Variants in SEL1L2 observed in about 807,000 individuals in gnomAD.
The protein encoded by SEL1L2 is protein sel-1 homolog 2.
In SEL1L2, 89 loss-of-function variants were observed where a neutral mutation model predicts 98.8. The observed-to-expected ratio is 0.90, with a 90% CI of 0.76 to 1.07. SEL1L2 has a LOEUF of 1.07. Ranked by LOEUF, SEL1L2 falls within the 50% of genes least tolerant of loss-of-function variation. SEL1L2 has a pLI of 0.00. For synonymous variants in SEL1L2, 262 were observed against 278.5 expected (o/e 0.94, Z 0.59); for missense variants, 788 against 812.0 (o/e 0.97, Z 0.36).
intron 1 of SEL1L2, among the ~76,000 whole-genome samples, chr20:13,976,296 G>A (rs1052912288): frequency 1.3e-5 from 2 of 152,048 alleles, no homozygotes; most frequent in African/African-American, 4.8e-5. Context: ...CACAGCACCC[G>A]GACTGTTTTT....
intron 1 of SEL1L2, among the ~76,000 whole-genome samples, chr20:13,987,683 T>C (rs1885370802): frequency 6.6e-6 from 1 of 152,104 alleles, no homozygotes; most frequent in Admixed American, 6.6e-5. Flanking sequence ...ACCATCCTAG[T>C]GGGTGTGATG....
chr20:13,961,922 T>C (rs980367095), intron 1 of SEL1L2, among the ~76,000 whole-genome samples: 3 of 152,192 alleles, frequency 2.0e-5, no homozygotes, highest in Admixed American at 1.3e-4. Context: ...ATAGTTTTGC[T>C]GTCTTTCCAG....
chr20:13,939,125 C>T (rs1377776500), intron 2 of SEL1L2, among the ~76,000 whole-genome samples: 2 of 146,640 alleles, frequency 1.4e-5, no homozygotes, highest in Non-Finnish European at 3.0e-5. Flanking sequence ...CTCACTGCAA[C>T]CTCCACCTCC....
At chr20:13,918,957 G>C in intron 4 of SEL1L2, 64 bp downstream of exon 4, 1 of 1,077,894 alleles carries the variant, frequency 9.3e-7, no homozygotes, top group South Asian at 1.4e-5. Flanking sequence ...AACTACATTT[G>C]GGATTTTTCT....
intron 5 of SEL1L2, among the ~76,000 whole-genome samples, chr20:13,904,989 TG>T (rs778903313): frequency 6.6e-6 from 1 of 152,198 alleles, no homozygotes; most frequent in Non-Finnish European, 1.5e-5. Flanking sequence ...CTCAGGAAGT[TG>T]TGAAGTGGGT....
chr20:13,921,328 C>T (rs762244604), intron 3 of SEL1L2, among the ~76,000 whole-genome samples: 8 of 152,122 alleles, frequency 5.3e-5, no homozygotes, highest in Non-Finnish European at 1.0e-4. Flanking sequence ...CATGCCACCA[C>T]GCCCAGCTAA....
intron 2 of SEL1L2, among the ~76,000 whole-genome samples, 162 bp from the exon 3 acceptor site, chr20:13,931,933 C>G (rs1395986234): frequency 1.3e-5 from 2 of 152,176 alleles, no homozygotes; most frequent in Admixed American, 6.5e-5. Context: ...TGGCTTACTT[C>G]ACTTTAGAAA....
At chr20:13,859,632 A>G (rs1378685719) in intron 17 of SEL1L2, among the ~76,000 whole-genome samples, 198 bp from the exon 18 acceptor site, 1 of 152,190 alleles carries the variant, frequency 6.6e-6, no homozygotes, top group South Asian at 2.1e-4. Flanking sequence ...ATAACACTCA[A>G]TGCTAACTGT....
upstream of SEL1L2, among the ~76,000 whole-genome samples, chr20:13,991,853 C>T (rs1187972200): frequency 1.3e-5 from 2 of 151,990 alleles, no homozygotes; most frequent in African/African-American, 4.8e-5. Context: ...ATTAGCTGGA[C>T]GTGGTGGTAT....
At chr20:13,989,563 C>T (rs1422031103) in intron 1 of SEL1L2, among the ~76,000 whole-genome samples, 1 of 152,200 alleles carries the variant, frequency 6.6e-6, no homozygotes, top group African/African-American at 2.4e-5. Flanking sequence ...AGGGATGAAG[C>T]AGTCAGTCTT....
At chr20:13,995,132 G>A, upstream of SEL1L2, 1 of 157,702 alleles carries the variant, frequency 6.3e-6, no homozygotes, top group Non-Finnish European at 1.4e-5. This position sits in a 1 kb window ranked among gnomAD's most constrained non-coding sequence, Gnocchi z 4.3. Flanking sequence ...GCGGCTTTCC[G>A]CTAGCTCGCC....
At chr20:13,958,263 A>G (rs1272792726) in intron 1 of SEL1L2, among the ~76,000 whole-genome samples, 1 of 152,164 alleles carries the variant, frequency 6.6e-6, no homozygotes, top group Non-Finnish European at 1.5e-5. Context: ...ATATAAAATT[A>G]TTATTATTAT....
chr20:13,850,638 G>T (rs1410795988), intron 18 of SEL1L2, among the ~76,000 whole-genome samples: 1 of 152,128 alleles, frequency 6.6e-6, no homozygotes, highest in Non-Finnish European at 1.5e-5. Flanking sequence ...AAGAACCTTG[G>T]TCCTACAACC....
At chr20:13,929,534 C>G (rs549497190) in intron 3 of SEL1L2, among the ~76,000 whole-genome samples, 1 of 110,324 alleles carries the variant, frequency 9.1e-6, no homozygotes, top group Non-Finnish European at 1.7e-5. Flanking sequence ...CTCGCTCTGT[C>G]GCCCAGGCTG....
intron 13 of SEL1L2, among the ~76,000 whole-genome samples, 163 bp from the exon 14 acceptor site, chr20:13,869,753 C>T (rs1195242381): frequency 6.6e-6 from 1 of 152,024 alleles, no homozygotes; most frequent in East Asian, 1.9e-4. Flanking sequence ...TTATATTAGA[C>T]TCTATTAGGA....
At chr20:13,981,757 G>T (rs1416877898) in intron 1 of SEL1L2, among the ~76,000 whole-genome samples, 2 of 152,134 alleles carry the variant, frequency 1.3e-5, no homozygotes, top group South Asian at 4.1e-4. Flanking sequence ...CATAACACCT[G>T]GTCTCTCCTG....
intron 2 of SEL1L2, among the ~76,000 whole-genome samples, chr20:13,953,765 C>G (rs1263769055): frequency 1.3e-5 from 2 of 152,198 alleles, no homozygotes; most frequent in East Asian, 1.9e-4. Context: ...CTGCCCTTCT[C>G]GCCCTTCAAA....
rs527677032 is a variant in SEL1L2, at chr20:13,870,082, C to A, written c.1167+59G>T. ...AAATTCCTTTAAACTAATGAATGAC[C>A]ATGAATTTTACCCTGTAAATTGCTA... On this transcript the variant is annotated intron_variant, in intron 13 of 19. Transcript: ENST00000284951. 51 of 1,220,958 alleles carry A rather than the reference C, an allele frequency of 4.2e-5. 2 individuals carry two copies. The South Asian group carries it at 6.4e-4, about 15-fold the overall frequency. The allele number at this position is 1,220,958 out of a possible 1,614,324, so 75.6% of individuals were successfully genotyped here.
intron 1 of SEL1L2, among the ~76,000 whole-genome samples, chr20:13,975,964 G>T (rs1010893072): frequency 1.3e-5 from 2 of 151,978 alleles, no homozygotes; most frequent in Non-Finnish European, 2.9e-5. Context: ...CCAAAGTGCT[G>T]GGATTACAAG....
Sources: gnomAD v4.1 joint callset for allele counts (sites outside exome capture counted in the v4.1 genomes callset) on GRCh38, gnomAD v4.1.1 for gene constraint, Gnocchi (gnomAD v3.1) non-coding constraint, MANE v1.5 for transcripts, NCBI Gene and HGNC (gene_info 2026-07-23, HGNC 2026-07-21) for gene names.